Variants in LRRC9 observed in about 807,000 individuals in gnomAD.
LRRC9 encodes the protein leucine rich repeat containing 9, also known as leucine-rich repeat-containing protein 9.
A neutral mutation model predicts 63.2 loss-of-function variants in LRRC9; 122 were observed. The ratio of observed to expected loss-of-function variants is 1.93; its 90% CI spans 1.67 to 2.24. LRRC9 has a LOEUF of 2.24. LRRC9 is among the 30% of genes most tolerant of loss of function. The probability of loss-of-function intolerance (pLI) is 0.00; values close to 1 mark genes in which losing one functional copy is unlikely to be tolerated. For missense variants in LRRC9, 1,071 were observed against 627.7 expected, an observed-to-expected ratio of 1.71 and a Z score of -7.55; for synonymous variants, 366 against 213.1, an observed-to-expected ratio of 1.72 and a Z score of -6.25.
At chr14:60,066,471 A>G (rs1894885625), downstream of LRRC9, among the ~76,000 whole-genome samples, 1 of 152,112 alleles carries the variant, frequency 6.6e-6, no homozygotes, top group Non-Finnish European at 1.5e-5. Flanking sequence ...TTGGTTATTC[A>G]GTGAAGCTAA....
chr14:60,032,732 T>C (rs1208986105), intron 29 of LRRC9, among the ~76,000 whole-genome samples: 1 of 152,152 alleles, frequency 6.6e-6, no homozygotes, highest in African/African-American at 2.4e-5. Context: ...TCAATCATGA[T>C]CACCCAGATA....
At chr14:60,061,980 A>C (rs1894684331) in intron 31 of LRRC9, 31 bp from the exon 32 acceptor site, 2 of 398,686 alleles carry the variant, frequency 5.0e-6, no homozygotes, top group Non-Finnish European at 8.9e-6. Flanking sequence ...TCATAATTTT[A>C]ATTTTTCAAA....
Position 59,977,276 on chromosome 14 carries a change from A to T in LRRC9, c.1691A>T (p.Glu564Val), listed in dbSNP as rs1487473538. The T allele has an allele frequency of 4.3e-6, 3 of 701,122 alleles. No individual in the cohort carries two copies. The South Asian group carries it at 4.5e-5, about 10-fold the overall frequency. 43.4% of individuals were successfully genotyped at this position (701,122 alleles called of 1,614,324 possible). A position where few individuals can be genotyped will look rare whatever the true frequency, so the allele number is the denominator to read the frequency against. ...CTTGGCCAGAGTGTTCAGGCCCATG[A>T]AAAAGAATCCATCAGTCAATCCAAC... Residue 564 changes from glutamate to valine, a missense_variant, in exon 14 of 32, where the codon GAA becomes GTA. Coordinates refer to ENST00000445360, the Ensembl canonical transcript of LRRC9.
At chr14:60,048,347 A>C (rs1893607657) in intron 29 of LRRC9, among the ~76,000 whole-genome samples, 1 of 152,172 alleles carries the variant, frequency 6.6e-6, no homozygotes, top group South Asian at 2.1e-4. Flanking sequence ...CAACAACTCC[A>C]GGACGTGGTT....
At chr14:60,046,555 T>G (rs1222848370) in intron 29 of LRRC9, among the ~76,000 whole-genome samples, 1 of 152,162 alleles carries the variant, frequency 6.6e-6, no homozygotes, top group Non-Finnish European at 1.5e-5. Flanking sequence ...CTTGTTTTTG[T>G]TGGGTTTGTC....
intron 17 of LRRC9, among the ~76,000 whole-genome samples, chr14:59,996,013 T>C (rs1000208441): frequency 6.6e-6 from 1 of 152,176 alleles, no homozygotes; most frequent in Non-Finnish European, 1.5e-5. Flanking sequence ...GTGCTGGGAT[T>C]ACAGGCGTGA....
At chr14:59,999,204 T>C in exon 19 of LRRC9, 1 of 701,416 alleles carries the variant, frequency 1.4e-6, no homozygotes, top group Non-Finnish European at 2.6e-6. Context: ...ATGAAATTTA[T>C]TGCAGGAACA....
At chr14:59,970,406 C>A (rs1885356699) in intron 12 of LRRC9, among the ~76,000 whole-genome samples, 1 of 152,100 alleles carries the variant, frequency 6.6e-6, no homozygotes, top group Non-Finnish European at 1.5e-5. Flanking sequence ...ATGCACGTGT[C>A]TTTATGATAG....
At position 59,927,784 on chromosome 14, in the gene LRRC9, G is replaced by A. The variant is rs1889331082; in HGVS notation, c.-33-127G>A. On this transcript the variant is annotated intron_variant, in intron 1 of 31. Transcript: ENST00000445360. This position sits in a 1 kb window ranked among gnomAD's most constrained non-coding sequence, Gnocchi z 4.4. ...TCCCTCAGAGTTTATACAGATACTT[G>A]GTAATATACTATGTGAAGATTTCAA... The A allele has an allele frequency of 2.4e-6, 1 of 420,666 alleles. No homozygotes were observed. Among genetic ancestry groups the A allele is most frequent in the African/African-American group, 2.1e-5 (1 of 48,438 alleles). 26.1% of individuals were successfully genotyped at this position (420,666 alleles called of 1,614,324 possible).
At chr14:60,043,181 T>C (rs888535982) in intron 29 of LRRC9, among the ~76,000 whole-genome samples, 2 of 152,246 alleles carry the variant, frequency 1.3e-5, no homozygotes, top group African/African-American at 4.8e-5. Context: ...TTATTAGCTC[T>C]TAACAGTTTT....
At chr14:59,997,281 A>G (rs988106744) in intron 17 of LRRC9, among the ~76,000 whole-genome samples, 4 of 152,134 alleles carry the variant, frequency 2.6e-5, no homozygotes, top group African/African-American at 9.6e-5. Context: ...CTAACTCTGA[A>G]GATGAACCTT....
At chr14:60,045,087 G>T (rs1893301253) in intron 29 of LRRC9, among the ~76,000 whole-genome samples, 1 of 128,452 alleles carries the variant, frequency 7.8e-6, no homozygotes, top group Non-Finnish European at 1.6e-5. Context: ...TTGATTTGTA[G>T]ACTCTTTTAT....
intron 26 of LRRC9, among the ~76,000 whole-genome samples, chr14:60,021,284 T>C (rs569089058): frequency 1.3e-5 from 2 of 152,036 alleles, no homozygotes; most frequent in East Asian, 3.9e-4. Flanking sequence ...TAATCCTTCA[T>C]ATATCTTCTT....
At chr14:60,041,954 G>A (rs1266925691) in intron 29 of LRRC9, among the ~76,000 whole-genome samples, 1 of 152,166 alleles carries the variant, frequency 6.6e-6, no homozygotes, top group African/African-American at 2.4e-5. Context: ...CTGTTTGTTA[G>A]TTTTCTTTCT....
exon 6 of LRRC9, chr14:59,931,982 C>A: frequency 1.4e-6 from 1 of 700,204 alleles, no homozygotes; most frequent in South Asian, 1.5e-5. Context: ...GATGTCTTGA[C>A]TCCAATGAAC....
chr14:60,021,092 CA>C (rs1891083696), intron 26 of LRRC9, among the ~76,000 whole-genome samples: 1 of 151,946 alleles, frequency 6.6e-6, no homozygotes, highest in East Asian at 1.9e-4. Context: ...ATGGTTGCAC[CA>C]TTTTTCATTA....
chr14:60,044,695 T>C (rs992229162), intron 29 of LRRC9, among the ~76,000 whole-genome samples: 1 of 152,234 alleles, frequency 6.6e-6, no homozygotes, highest in Non-Finnish European at 1.5e-5. Context: ...AAACATGTTT[T>C]GTAGCCTAAG....
At chr14:59,925,062 A>T (rs1889097123) in intron 1 of LRRC9, among the ~76,000 whole-genome samples, 1 of 151,946 alleles carries the variant, frequency 6.6e-6, no homozygotes, top group East Asian at 1.9e-4. Flanking sequence ...CACCGCTGTC[A>T]TTCTCTGTCT....
At chr14:59,935,488 G>C (rs571363138) in intron 6 of LRRC9, among the ~76,000 whole-genome samples, 2 of 152,206 alleles carry the variant, frequency 1.3e-5, no homozygotes, top group South Asian at 4.2e-4. Flanking sequence ...CTTTAAAAAG[G>C]CTTCTATCCT....
Sources: allele counts gnomAD v4.1 joint callset (sites outside exome capture counted in the v4.1 genomes callset), GRCh38; gene constraint gnomAD v4.1.1; non-coding constraint Gnocchi (gnomAD v3.1); transcripts MANE v1.5; gene names NCBI Gene and HGNC (gene_info 2026-07-23, HGNC 2026-07-21).